Variants in CDH10 observed in about 807,000 individuals in gnomAD.
The protein encoded by CDH10 is cadherin 10.
Under a neutral mutation model 73.1 loss-of-function variants are expected in CDH10, and 30 were observed. The ratio of observed to expected loss-of-function variants is 0.41; its 90% CI spans 0.31 to 0.56. The LOEUF is 0.56. Ranked by LOEUF, CDH10 falls within the 20% of genes least tolerant of loss-of-function variation. The probability of loss-of-function intolerance (pLI) is 0.27; values close to 1 mark genes in which losing one functional copy is unlikely to be tolerated. For synonymous variants in CDH10, 345 were observed against 348.2 expected (o/e 0.99, Z 0.10); for missense variants, 815 against 973.7 (o/e 0.84, Z 2.17).
chr5:24,554,119 G>GGAGAGA (rs71605680), intron 2 of CDH10: 2 of 39,774 alleles, frequency 5.0e-5, no homozygotes, highest in Non-Finnish European at 1.2e-4. Flanking sequence ...GGCGGGGGGG[G>GGAGAGA]GAGAGAGAGA....
At chr5:24,631,916 A>T (rs904049787) in intron 1 of CDH10, among the ~76,000 whole-genome samples, 11 of 152,112 alleles carry the variant, frequency 7.2e-5, no homozygotes, top group Non-Finnish European at 2.9e-5. Context: ...TACAGATAGA[A>T]TTAAAATCAT....
intron 2 of CDH10, among the ~76,000 whole-genome samples, chr5:24,587,508 GTGTGAATTA>G (rs1746063986): frequency 6.6e-6 from 1 of 152,068 alleles, no homozygotes; most frequent in Non-Finnish European, 1.5e-5. Context: ...ATATGTACTT[GTGTGAATTA>G]TGTGAATTAT....
In CDH10 at chr5:24,492,306, A is replaced by G. The variant is rs1161004942; in HGVS notation, c.1625-479T>C. Among the ~76,000 whole-genome samples the G allele has an allele frequency of 4.6e-5, 7 of 152,396 alleles. No individual in the cohort carries two copies. In the East Asian group the frequency reaches 1.3e-3, roughly 29 times the overall value. On this transcript the variant is annotated intron_variant, in intron 10 of 11. Coordinates refer to ENST00000264463, the MANE Select transcript of CDH10 (RefSeq NM_006727.5). ...ACGCATTGTTGCATGTTTTAAATCAATAACAAAGTAGAAGAAGGTTTTTTA... is the reference window on the plus strand; with the variant it reads ...ACGCATTGTTGCATGTTTTAAATCAGTAACAAAGTAGAAGAAGGTTTTTTA...
intron 9 of CDH10, among the ~76,000 whole-genome samples, chr5:24,493,248 T>C (rs1264771758): frequency 6.6e-6 from 1 of 151,980 alleles, no homozygotes; most frequent in Non-Finnish European, 1.5e-5. Flanking sequence ...GAAGAGTTTT[T>C]CGAATGTCAG....
At chr5:24,617,255 G>A (rs998038222) in intron 1 of CDH10, among the ~76,000 whole-genome samples, 13 of 151,906 alleles carry the variant, frequency 8.6e-5, no homozygotes, top group African/African-American at 2.7e-4. Context: ...CCCCGATCAC[G>A]GCAGACAAAA....
chr5:24,639,246 A>G (rs921199276), intron 1 of CDH10, among the ~76,000 whole-genome samples: 1 of 151,816 alleles, frequency 6.6e-6, no homozygotes, highest in South Asian at 2.1e-4. Flanking sequence ...CAGAAGTCCC[A>G]GAATTTACAA....
At chr5:24,523,257 T>C (rs1743405304) in intron 5 of CDH10, among the ~76,000 whole-genome samples, 1 of 152,118 alleles carries the variant, frequency 6.6e-6, no homozygotes, top group Non-Finnish European at 1.5e-5. Context: ...AGCTTAATCC[T>C]AGATGAACTA....
chr5:24,511,545 C>CAGAGAGAGAGAGAG lies in CDH10; in HGVS notation c.815-45_815-32dup, dbSNP rs55901211. ...AAGTATAAAGAAAAGAAGAGAGAGA[C>CAGAGAGAGAGAGAG]AGAGAGAGAGAGAGAGAGAGAGAGA... On this transcript the variant is annotated intron_variant, in intron 5 of 11. Coordinates refer to ENST00000264463, the MANE Select transcript of CDH10 (RefSeq NM_006727.5). 206 of 576,300 alleles carry CAGAGAGAGAGAGAG rather than the reference C, an allele frequency of 3.6e-4. 1 individual carries two copies. Among genetic ancestry groups the CAGAGAGAGAGAGAG allele is most frequent in the African/African-American group, 1.1e-3 (50 of 46,422 alleles). 35.7% of individuals were successfully genotyped at this position (576,300 alleles called of 1,614,324 possible). A position where few individuals can be genotyped will look rare whatever the true frequency, so the allele number is the denominator to read the frequency against.
intron 1 of CDH10, among the ~76,000 whole-genome samples, chr5:24,598,538 TAA>T (rs796890253): frequency 1.1e-4 from 15 of 132,774 alleles, no homozygotes; most frequent in African/African-American, 1.1e-4. Flanking sequence ...TTGTTGTTCC[TAA>T]AAAAAAAAAA....
chr5:24,502,574 C>A (rs1446067146), intron 8 of CDH10, among the ~76,000 whole-genome samples: 3 of 151,976 alleles, frequency 2.0e-5, no homozygotes, highest in Non-Finnish European at 4.4e-5. Context: ...GGCAGGTAGG[C>A]ATTTTTGGCA....
intron 2 of CDH10, among the ~76,000 whole-genome samples, chr5:24,557,989 A>T (rs183013048): frequency 2.6e-5 from 4 of 151,956 alleles, no homozygotes; most frequent in Admixed American, 2.6e-4. Context: ...ATTTTTAGAA[A>T]CAAGAGGCAA....
chr5:24,641,618 T>C (rs998468079), intron 1 of CDH10, among the ~76,000 whole-genome samples: 1 of 152,132 alleles, frequency 6.6e-6, no homozygotes, highest in African/African-American at 2.4e-5. Context: ...TATGCATCTA[T>C]AGTGTCATTC....
chr5:24,492,848 G>T lies in CDH10; in HGVS notation c.1593C>A (p.Val531=). Residue 531 remains valine, a synonymous_variant, in exon 10 of 12, where the codon GTC becomes GTA. Coordinates refer to ENST00000264463, the MANE Select transcript of CDH10 (RefSeq NM_006727.5). ...TATCCTGTACTGTGAAGTTTGGATT[G>T]ACAGCAGCTAAACTGAAAAAAAATT... The part of the protein sequence containing the change: ...GQKFFFSLAA[V]NPNFTVQDNE... 6.4e-7 allele frequency: 1 copy of T among 1,552,100 alleles called. No individual in the cohort carries two copies. Among genetic ancestry groups the T allele is most frequent in the Non-Finnish European group, 8.9e-7 (1 of 1,123,818 alleles).
At chr5:24,542,434 A>T (rs1212680102) in intron 2 of CDH10, among the ~76,000 whole-genome samples, 1 of 152,190 alleles carries the variant, frequency 6.6e-6, no homozygotes, top group African/African-American at 2.4e-5. Flanking sequence ...TAGATATACG[A>T]AGACTTATCA....
At chr5:24,628,564 A>T (rs1240534553) in intron 1 of CDH10, among the ~76,000 whole-genome samples, 1 of 152,164 alleles carries the variant, frequency 6.6e-6, no homozygotes, top group African/African-American at 2.4e-5. Flanking sequence ...ACAGCCATGC[A>T]TGTAAAATGA....
Position 24,487,183 on chromosome 5 carries a change from G to C in CDH10, c.*480C>G, listed in dbSNP as rs1741870165. 6.6e-6 allele frequency: 1 copy of C among 152,490 alleles called. No homozygotes were observed. 9.4% of individuals were successfully genotyped at this position (152,490 alleles called of 1,614,324 possible). A position where few individuals can be genotyped will look rare whatever the true frequency, so the allele number is the denominator to read the frequency against. ...ATTAGCAGATAGAATTTGATGAAATGAAATTGCACAAATGTCTGTATACCA... is the reference window on the plus strand; with the variant it reads ...ATTAGCAGATAGAATTTGATGAAATCAAATTGCACAAATGTCTGTATACCA... On this transcript the variant is annotated 3_prime_UTR_variant, in exon 12 of 12. Coordinates refer to ENST00000264463, the MANE Select transcript of CDH10 (RefSeq NM_006727.5).
chr5:24,570,927 C>A (rs1745358383), intron 2 of CDH10, among the ~76,000 whole-genome samples: 2 of 152,012 alleles, frequency 1.3e-5, no homozygotes, highest in Non-Finnish European at 1.5e-5. Context: ...GAATGTACTA[C>A]AACCTCTGGT....
chr5:24,584,464 TTG>T (rs1554023320), intron 2 of CDH10, among the ~76,000 whole-genome samples: 1 of 55,446 alleles, frequency 1.8e-5, no homozygotes, highest in Non-Finnish European at 3.4e-5. Context: ...TTTTTTTTTT[TTG>T]TGTGTGTGTG....
At chr5:24,577,742 T>C (rs1745656283) in intron 2 of CDH10, among the ~76,000 whole-genome samples, 1 of 152,132 alleles carries the variant, frequency 6.6e-6, no homozygotes. Flanking sequence ...TGTCACCTTG[T>C]TCCTGAGGCT....
Sources: gnomAD v4.1 joint callset for allele counts (sites outside exome capture counted in the v4.1 genomes callset) on GRCh38, gnomAD v4.1.1 for gene constraint, MANE v1.5 for transcripts, NCBI Gene and HGNC (gene_info 2026-07-23, HGNC 2026-07-21) for gene names.